MCF2L2: variants seen among roughly 807,000 people sequenced by gnomAD.
MCF2L2 encodes MCF.2 cell line derived transforming sequence-like 2.
A neutral mutation model predicts 150.2 loss-of-function variants in MCF2L2; 102 were observed. The ratio of observed to expected loss-of-function variants is 0.68; its 90% confidence interval spans 0.58 to 0.80. The LOEUF is 0.80. MCF2L2 is among the 30% of genes least tolerant of loss of function. The pLI is 0.00. For synonymous variants in MCF2L2, 465 were observed against 491.3 expected, an observed-to-expected ratio of 0.95 and a Z score of 0.71; for missense variants, 1,256 against 1,372.8, an observed-to-expected ratio of 0.91 and a Z score of 1.34.
intron 21 of MCF2L2, 130 bp downstream of exon 21, chr3:183,219,726 T>C: frequency 3.5e-6 from 2 of 577,294 alleles, no homozygotes; most frequent in African/African-American, 1.9e-5. Flanking sequence ...CTGTGAGTTA[T>C]AGGATACATA....
At position 183,389,772 on chromosome 3, in the gene MCF2L2, A is replaced by G; in HGVS notation, c.84T>C (p.Ile28=). 1 of 1,613,540 alleles carries G rather than the reference A, an allele frequency of 6.2e-7. No individual in the cohort carries two copies. The highest frequency in any genetic ancestry group is 8.5e-7 in the Non-Finnish European group (1 of 1,179,408). Residue 28 remains isoleucine, a synonymous_variant, in exon 2 of 30, where the codon ATT becomes ATC. Transcript: ENST00000328913. ...LATVITHVDE[I]MQQEVRPLMA... ...TCAGGGGTCTGACTTCCTGCTGCATAATTTCATCTGCACAAATGAAATACA... is the reference window on the plus strand; with the variant it reads ...TCAGGGGTCTGACTTCCTGCTGCATGATTTCATCTGCACAAATGAAATACA...
chr3:183,210,589 T>G (rs1722657623), intron 22 of MCF2L2, among the ~76,000 whole-genome samples: 1 of 152,186 alleles, frequency 6.6e-6, no homozygotes, highest in South Asian at 2.1e-4. Flanking sequence ...AAGAACACAT[T>G]TGGTCAGTGT....
At chr3:183,402,451 C>CAAAAAA (rs779201489) in intron 1 of MCF2L2, among the ~76,000 whole-genome samples, 28 of 54,762 alleles carry the variant, frequency 5.1e-4, no homozygotes, top group Middle Eastern at 0.013. Flanking sequence ...GAGACTCCAT[C>CAAAAAA]AAAAAAAAAA....
Position 183,179,627 on chromosome 3 carries a change from C to T in MCF2L2, c.3171G>A (p.Glu1057=). The change falls in exon 29 of 30, where the codon GAG becomes GAA. Residue 1057 remains glutamate (E), a synonymous_variant. Transcript: ENST00000328913. This position sits in a 1 kb window ranked among gnomAD's most constrained non-coding sequence, Gnocchi z 4.2. ...ETCSSKSAFL[E]RGESSQGEKE... is the part of the protein sequence containing the mutation. ...TTTCTCCCTGGCTGCTTTCTCCCCT[C>T]TCCAGGAAAGCAGATTTGGAGGAAC... 1 of 1,614,196 alleles carries T rather than the reference C, an allele frequency of 6.2e-7. No homozygotes were observed.
intron 14 of MCF2L2, among the ~76,000 whole-genome samples, chr3:183,285,755 A>C (rs1443285516): frequency 6.6e-6 from 1 of 152,182 alleles, no homozygotes. Flanking sequence ...GGAGCACAGA[A>C]TAGGCTTCTG....
rs182914788 is a variant in MCF2L2, at chr3:183,366,784, T to C, written c.275+12513A>G. Among the ~76,000 whole-genome samples the C allele has an allele frequency of 6.3e-4, 96 of 152,362 alleles. No homozygotes were observed. The East Asian group carries it at 0.016, about 26-fold the overall frequency. ...ACACTTCCTGGTTGACAGCTTGCAG[T>C]AGATCTAGACAGCAACAATCCTGAA... On this transcript the variant is annotated intron_variant, in intron 3 of 29. Transcript: ENST00000328913.
At chr3:183,368,892 A>G (rs1184806499) in intron 3 of MCF2L2, among the ~76,000 whole-genome samples, 1 of 152,210 alleles carries the variant, frequency 6.6e-6, no homozygotes, top group African/African-American at 2.4e-5. Context: ...CATGTTTATC[A>G]TCTCCGTGAG....
At chr3:183,193,768 T>C (rs1721990472) in intron 26 of MCF2L2, among the ~76,000 whole-genome samples, 1 of 152,194 alleles carries the variant, frequency 6.6e-6, no homozygotes, top group Admixed American at 6.5e-5. Flanking sequence ...TCTTTTGGGT[T>C]AGACGAATCC....
intron 2 of MCF2L2, among the ~76,000 whole-genome samples, chr3:183,383,328 G>A (rs1252427095): frequency 6.6e-6 from 1 of 151,956 alleles, no homozygotes; most frequent in Admixed American, 6.6e-5. Flanking sequence ...TCCGCCTCTC[G>A]GGTTCAAGCG....
At chr3:183,415,036 G>A (rs924422452) in intron 1 of MCF2L2, among the ~76,000 whole-genome samples, 2 of 152,176 alleles carry the variant, frequency 1.3e-5, no homozygotes, top group Admixed American at 6.5e-5. Flanking sequence ...ATATTCTGCT[G>A]TTGTTGAATG....
intron 1 of MCF2L2, among the ~76,000 whole-genome samples, chr3:183,414,591 T>C (rs1715489014): frequency 6.6e-6 from 1 of 152,216 alleles, no homozygotes; most frequent in Admixed American, 6.5e-5. Flanking sequence ...TTTTCTTCCT[T>C]CTACTTTATA....
intron 2 of MCF2L2, among the ~76,000 whole-genome samples, chr3:183,382,304 C>T (rs1044757423): frequency 6.6e-6 from 1 of 152,180 alleles, no homozygotes; most frequent in Non-Finnish European, 1.5e-5. Flanking sequence ...ACTGATCCGT[C>T]TGCCTCGGCC....
At chr3:183,313,251 A>T (rs1206208337) in intron 7 of MCF2L2, among the ~76,000 whole-genome samples, 2 of 151,616 alleles carry the variant, frequency 1.3e-5, no homozygotes. Context: ...ACACACACAC[A>T]CACACATATC....
chr3:183,231,006 C>A lies in MCF2L2; in HGVS notation c.1874G>T (p.Arg625Leu). ...GDLSPRRRIIRDLLETEEIYI... is the reference protein window; with the variant it reads ...GDLSPRRRIILDLLETEEIYI... Reference sequence around the variant, plus strand: ...AATCTCTTCAGTCTCAAGCAAGTCACGTATAATGCGCCTGAATCACAGCAG... The same window carrying A: ...AATCTCTTCAGTCTCAAGCAAGTCAAGTATAATGCGCCTGAATCACAGCAG... The change falls in exon 16 of 30, where the codon CGT (arginine) becomes CTT (leucine). Residue 625 changes from arginine (R) to leucine (L), a missense_variant. Transcript: ENST00000328913. 2 of 1,613,430 alleles carry A rather than the reference C, an allele frequency of 1.2e-6. No homozygotes were observed. The highest frequency in any genetic ancestry group is 8.5e-7 in the Non-Finnish European group (1 of 1,179,594).
Position 183,338,805 on chromosome 3 carries a change from C to G in MCF2L2, c.481G>C (p.Val161Leu), listed in dbSNP as rs551044377. Reference sequence around the variant, plus strand: ...AGATGAAAGGTCTTGCTTACCGGCACTTTCGTTTTAAACTCATTTCGATAG... The same window carrying G: ...AGATGAAAGGTCTTGCTTACCGGCAGTTTCGTTTTAAACTCATTTCGATAG... ...KYYRNEFKTKVPIIMVNSVSD... is the reference protein window; with the variant it reads ...KYYRNEFKTKLPIIMVNSVSD... Residue 161 changes from valine to leucine, a missense_variant, in exon 5 of 30, where the codon GTG becomes CTG. Transcript: ENST00000328913. The G allele has an allele frequency of 1.1e-5, 17 of 1,598,354 alleles. No homozygotes were observed. In the African/African-American group the frequency reaches 2.1e-4, roughly 20 times the overall value.
intron 16 of MCF2L2, among the ~76,000 whole-genome samples, chr3:183,230,351 C>T (rs999692078): frequency 1.3e-5 from 2 of 152,072 alleles, no homozygotes; most frequent in Non-Finnish European, 2.9e-5. Flanking sequence ...TGACCTCAGG[C>T]GATCCACCCG....
intron 2 of MCF2L2, among the ~76,000 whole-genome samples, chr3:183,380,085 C>T (rs1202073497): frequency 6.6e-6 from 1 of 152,074 alleles, no homozygotes; most frequent in Non-Finnish European, 1.5e-5. Context: ...ATCAGCTTCC[C>T]TTCAAGAATT....
At chr3:183,228,200 T>C in intron 18 of MCF2L2, 97 bp downstream of exon 18, 2 of 870,078 alleles carry the variant, frequency 2.3e-6, no homozygotes, top group Non-Finnish European at 3.8e-6. Flanking sequence ...AGCAGATATG[T>C]TTTTAGACCA....
chr3:183,338,946 A>G, intron 4 of MCF2L2, 27 bp from the exon 5 acceptor site: 1 of 1,586,316 alleles, frequency 6.3e-7, no homozygotes, highest in Non-Finnish European at 8.6e-7. Context: ...AAGTGTCAGG[A>G]GGAGAGAGAA....
Sources: allele counts gnomAD v4.1 joint callset (sites outside exome capture counted in the v4.1 genomes callset), GRCh38; gene constraint gnomAD v4.1.1; non-coding constraint Gnocchi (gnomAD v3.1); transcripts MANE v1.5; gene names NCBI Gene and HGNC (gene_info 2026-07-23, HGNC 2026-07-21).